TFEC: variants seen among roughly 807,000 people sequenced by gnomAD.
TFEC encodes class E basic helix-loop-helix protein 34.
TFEC carries 31 observed loss-of-function variants against 41.6 expected under a neutral mutation model. The observed-to-expected ratio is 0.74, with a 90% confidence interval of 0.56 to 1.01. TFEC has a LOEUF of 1.01. Ranked by LOEUF, TFEC falls within the 50% of genes least tolerant of loss-of-function variation. TFEC has a pLI of 0.00. For synonymous variants in TFEC, 143 were observed against 140.6 expected (o/e 1.02, Z -0.12); for missense variants, 402 against 404.1 (o/e 0.99, Z 0.04).
intron 1 of TFEC, among the ~76,000 whole-genome samples, chr7:115,994,499 C>T (rs1794272671): frequency 6.6e-6 from 1 of 152,138 alleles, no homozygotes; most frequent in Non-Finnish European, 1.5e-5. Flanking sequence ...AGAACTCACA[C>T]AAATTTACAA....
intron 1 of TFEC, among the ~76,000 whole-genome samples, chr7:116,016,271 C>A (rs915290982): frequency 1.3e-5 from 2 of 152,116 alleles, no homozygotes; most frequent in African/African-American, 4.8e-5. Flanking sequence ...TTGGCAAGAA[C>A]AGAAATCAGC....
At chr7:116,130,617 T>C (rs1798313463) in intron 1 of TFEC, among the ~76,000 whole-genome samples, 1 of 152,148 alleles carries the variant, frequency 6.6e-6, no homozygotes, top group Non-Finnish European at 1.5e-5. Flanking sequence ...TATTTCTTTT[T>C]TGGGGTAGAG....
At chr7:115,956,120 G>T (rs746189420) in intron 4 of TFEC, among the ~76,000 whole-genome samples, 1 of 151,884 alleles carries the variant, frequency 6.6e-6, no homozygotes, top group Non-Finnish European at 1.5e-5. Flanking sequence ...TATTTTGGAA[G>T]AATTTGACTA....
At chr7:115,953,243 C>A (rs1353134607) in intron 5 of TFEC, among the ~76,000 whole-genome samples, 1 of 151,958 alleles carries the variant, frequency 6.6e-6, no homozygotes, top group Non-Finnish European at 1.5e-5. Context: ...ATCCTATGAG[C>A]TGAAAATTCT....
rs751332916 is a variant in TFEC, at chr7:115,940,159, G to A, written c.*392C>T. ...AGACTGATGTGAAAGTTGAAGAGAAGATGGAAATGAGTAACTAAGAGACTG... is the reference window on the plus strand; with the variant it reads ...AGACTGATGTGAAAGTTGAAGAGAAAATGGAAATGAGTAACTAAGAGACTG... On this transcript the variant is annotated 3_prime_UTR_variant, in exon 8 of 8. Coordinates refer to ENST00000265440, the MANE Select transcript of TFEC (RefSeq NM_012252.4). The A allele has an allele frequency of 2.1e-4, 33 of 156,622 alleles. No homozygotes were observed. Among genetic ancestry groups the A allele is most frequent in the Non-Finnish European group, 4.2e-4 (30 of 71,116 alleles). The allele number at this position is 156,622 out of a possible 1,614,324, so 9.7% of individuals were successfully genotyped here. A position where few individuals can be genotyped will look rare whatever the true frequency, so the allele number is the denominator to read the frequency against.
chr7:116,099,049 A>G (rs1264047522), intron 3 of TFEC, among the ~76,000 whole-genome samples: 1 of 152,244 alleles, frequency 6.6e-6, no homozygotes, highest in Non-Finnish European at 1.5e-5. Context: ...CACAATCCAT[A>G]AAATAAATAT....
At chr7:115,991,615 A>G (rs528169482) in intron 1 of TFEC, among the ~76,000 whole-genome samples, 1 of 152,232 alleles carries the variant, frequency 6.6e-6, no homozygotes, top group Non-Finnish European at 1.5e-5. Context: ...ACAAAGATCA[A>G]AAGAGACAAA....
intron 1 of TFEC, among the ~76,000 whole-genome samples, chr7:116,017,981 G>GCACAGTGTTT: frequency 6.6e-6 from 1 of 151,720 alleles, no homozygotes; most frequent in South Asian, 2.1e-4. Context: ...ATCCAGTGTT[G>GCACAGTGTTT]GGCAAATATT....
intron 1 of TFEC, among the ~76,000 whole-genome samples, chr7:116,138,917 G>T (rs150244912): frequency 8.9e-4 from 136 of 152,262 alleles, no homozygotes; most frequent in African/African-American, 3.1e-3. Flanking sequence ...AAGGCTACGA[G>T]ACTGAAATAC....
intron 3 of TFEC, among the ~76,000 whole-genome samples, chr7:116,063,343 G>A (rs558530993): frequency 4.3e-4 from 66 of 152,102 alleles, no homozygotes; most frequent in African/African-American, 1.1e-3. Context: ...GTGGCTGGGC[G>A]CGGTGGCTCA....
chr7:116,047,155 A>G (rs1411710828), intron 3 of TFEC, among the ~76,000 whole-genome samples: 4 of 152,164 alleles, frequency 2.6e-5, no homozygotes, highest in Non-Finnish European at 5.9e-5. Flanking sequence ...GGTTCATCTC[A>G]CAGGGGCTTG....
intron 3 of TFEC, among the ~76,000 whole-genome samples, chr7:116,109,177 T>A (rs1010408857): frequency 6.6e-6 from 1 of 151,642 alleles, no homozygotes; most frequent in Admixed American, 6.6e-5. Flanking sequence ...GGACTTCATG[T>A]CTAAAACACC....
intron 5 of TFEC, among the ~76,000 whole-genome samples, chr7:115,952,103 C>T (rs971779197): frequency 6.6e-6 from 1 of 152,018 alleles, no homozygotes; most frequent in Non-Finnish European, 1.5e-5. Flanking sequence ...TCATCAAAGA[C>T]TATCAATTGC....
rs193288694 is a variant in TFEC at position 116,022,899 on chromosome 7, G to T, written c.-73+7734C>A. 1.3e-3 allele frequency among the ~76,000 whole-genome samples: 193 copies of T among 152,258 alleles called. 1 individual carries two copies. Among genetic ancestry groups the T allele is most frequent in the Admixed American group, 4.2e-3 (65 of 15,296 alleles). Reference sequence around the variant, plus strand: ...AATAACCATGAAACCCCGTGAGGTAGATCAGGTTTACAAATGAAGATACTG... The same window carrying T: ...AATAACCATGAAACCCCGTGAGGTATATCAGGTTTACAAATGAAGATACTG... On this transcript the variant is annotated intron_variant, in intron 1 of 7. Transcript: ENST00000265440.
At chr7:116,150,268 T>A (rs1798733857) in intron 1 of TFEC, among the ~76,000 whole-genome samples, 1 of 152,206 alleles carries the variant, frequency 6.6e-6, no homozygotes, top group African/African-American at 2.4e-5. Flanking sequence ...CTGTTTAAGC[T>A]CCTCTTCTTT....
chr7:115,944,381 G>C (rs77420533), intron 6 of TFEC, among the ~76,000 whole-genome samples: 103 of 151,360 alleles, frequency 6.8e-4, no homozygotes, highest in African/African-American at 2.4e-3. Context: ...TGTTATTTTT[G>C]TTTGGGTTTT....
chr7:115,985,359 AG>A (rs1793804827), intron 1 of TFEC, among the ~76,000 whole-genome samples: 1 of 152,140 alleles, frequency 6.6e-6, no homozygotes. Flanking sequence ...GCCCTTTAAA[AG>A]CCTGTGAACG....
At chr7:116,043,587 A>T (rs1366787129) in intron 3 of TFEC, among the ~76,000 whole-genome samples, 1 of 152,234 alleles carries the variant, frequency 6.6e-6, no homozygotes, top group Non-Finnish European at 1.5e-5. Context: ...ATATTTATTT[A>T]CATTTATCAA....
chr7:116,091,087 G>T (rs1040903056), intron 3 of TFEC, among the ~76,000 whole-genome samples: 1 of 151,866 alleles, frequency 6.6e-6, no homozygotes, highest in East Asian at 1.9e-4. Flanking sequence ...CACGTTCTGC[G>T]CATGTATCCC....
Sources: allele counts gnomAD v4.1 joint callset (sites outside exome capture counted in the v4.1 genomes callset), GRCh38; gene constraint gnomAD v4.1.1; transcripts MANE v1.5; gene names NCBI Gene and HGNC (gene_info 2026-07-23, HGNC 2026-07-21).